Variants in PTCHD4 observed in about 807,000 individuals in gnomAD.
The protein encoded by PTCHD4 is patched domain containing 4.
A neutral mutation model predicts 58.1 loss-of-function variants in PTCHD4; 33 were observed. The ratio of observed to expected loss-of-function variants is 0.57; its 90% CI spans 0.43 to 0.76. PTCHD4 has a LOEUF of 0.76. Among genes scored for constraint, PTCHD4 ranks in the 30% least tolerant of loss-of-function variants. The pLI is 0.00. For missense variants in PTCHD4, 1,058 were observed against 1,027.1 expected, an observed-to-expected ratio of 1.03 and a Z score of -0.41; for synonymous variants, 478 against 409.6, an observed-to-expected ratio of 1.17 and a Z score of -2.02.
chr6:48,009,759 C>T (rs889975062), intron 3 of PTCHD4, among the ~76,000 whole-genome samples: 4 of 152,210 alleles, frequency 2.6e-5, no homozygotes, highest in African/African-American at 9.7e-5. Context: ...TTACAATGCT[C>T]TCTCCAAACA....
rs1007717607 is a variant in PTCHD4, at chr6:47,870,943, T to C, written c.*7360A>G. On this transcript the variant is annotated 3_prime_UTR_variant, in exon 5 of 5. Coordinates refer to ENST00000339488, the MANE Select transcript of PTCHD4 (RefSeq NM_001384253.1). Reference sequence around the variant, plus strand: ...GAGTATTTTAGAAGGAATATTGTTATGGGTAAAGACATCTGGAATTGATGG... The same window carrying C: ...GAGTATTTTAGAAGGAATATTGTTACGGGTAAAGACATCTGGAATTGATGG... Among the ~76,000 whole-genome samples, 1 of 151,576 alleles carries C rather than the reference T, an allele frequency of 6.6e-6. No homozygotes were observed. Among genetic ancestry groups the C allele is most frequent in the African/African-American group, 2.4e-5 (1 of 41,380 alleles).
Position 48,041,745 on chromosome 6 carries a change from C to T in PTCHD4, c.417+26485G>A, listed in dbSNP as rs201792212. Among the ~76,000 whole-genome samples, 264 of 151,932 alleles carry T rather than the reference C, an allele frequency of 1.7e-3. 6 individuals carry two copies. In the South Asian group the frequency reaches 0.038, roughly 22 times the overall value. ...TTTTGTTTTATTTTTTTAATTTGAT[C>T]GCTTAACATCCAGAAAACTGACCTG... On this transcript the variant is annotated intron_variant, in intron 3 of 4. Transcript: ENST00000339488.
Position 47,982,473 on chromosome 6 carries a change from A to ATC in PTCHD4, c.898+26159_898+26160dup, listed in dbSNP as rs1202661045. ...TGAAGGTGTCACACTAGTCTGTTTT[A>ATC]TCTCTCTCTTTTTTTTTTTTTTTTT... On this transcript the variant is annotated intron_variant, in intron 4 of 4. Coordinates refer to ENST00000339488, the MANE Select transcript of PTCHD4 (RefSeq NM_001384253.1). Among the ~76,000 whole-genome samples the ATC allele has an allele frequency of 4.6e-3, 656 of 142,204 alleles. 6 individuals are homozygous for ATC. Among genetic ancestry groups the ATC allele is most frequent in the African/African-American group, 0.016 (611 of 38,348 alleles). 93.3% of individuals were successfully genotyped at this position (142,204 alleles called of 152,430 possible).
At chr6:47,895,149 A>AG (rs1470309730) in intron 4 of PTCHD4, among the ~76,000 whole-genome samples, 3 of 151,634 alleles carry the variant, frequency 2.0e-5, no homozygotes, top group Admixed American at 2.0e-4. Context: ...AAGAAAAAAA[A>AG]AGAAACAATA....
intron 4 of PTCHD4, among the ~76,000 whole-genome samples, chr6:47,928,965 T>C (rs1156330614): frequency 6.6e-6 from 1 of 152,198 alleles, no homozygotes; most frequent in Non-Finnish European, 1.5e-5. Flanking sequence ...ATTTCTAATC[T>C]AAAACAAGAT....
At chr6:48,040,262 G>A (rs1213579120) in intron 3 of PTCHD4, among the ~76,000 whole-genome samples, 1 of 151,984 alleles carries the variant, frequency 6.6e-6, no homozygotes, top group Non-Finnish European at 1.5e-5. Flanking sequence ...CATCTTTGTT[G>A]ATATTTTTCC....
chr6:48,002,826 A>T (rs1039805377), intron 4 of PTCHD4, among the ~76,000 whole-genome samples: 1 of 151,900 alleles, frequency 6.6e-6, no homozygotes, highest in Non-Finnish European at 1.5e-5. Context: ...ATCTGTATTG[A>T]ATCTCTTGAA....
At chr6:48,082,762 A>T (rs1765190300) in intron 1 of PTCHD4, among the ~76,000 whole-genome samples, 1 of 152,170 alleles carries the variant, frequency 6.6e-6, no homozygotes. Context: ...GATTTATAAA[A>T]ATAACTAGAG....
At chr6:48,096,794 T>C (rs901755175) in intron 1 of PTCHD4, among the ~76,000 whole-genome samples, 3 of 152,100 alleles carry the variant, frequency 2.0e-5, no homozygotes, top group African/African-American at 7.2e-5. Context: ...TTCTTTTGCA[T>C]TGAAGTATAT....
intron 3 of PTCHD4, among the ~76,000 whole-genome samples, chr6:48,035,733 C>A (rs1308578789): frequency 2.6e-5 from 4 of 152,126 alleles, no homozygotes; most frequent in Non-Finnish European, 5.9e-5. Context: ...CCTCATTCTG[C>A]ATTATACCCC....
At chr6:47,914,304 G>T (rs370385048) in intron 4 of PTCHD4, among the ~76,000 whole-genome samples, 15 of 152,174 alleles carry the variant, frequency 9.9e-5, no homozygotes, top group African/African-American at 2.6e-4. Context: ...ATGTTATTCT[G>T]GGCATGTCTG....
chr6:47,912,276 T>C (rs1233406790), intron 4 of PTCHD4, among the ~76,000 whole-genome samples: 2 of 140,018 alleles, frequency 1.4e-5, no homozygotes, highest in Non-Finnish European at 3.1e-5. Context: ...CCCACCCCCA[T>C]CCCATCCCCC....
chr6:48,030,206 G>A lies in PTCHD4; in HGVS notation c.418-21092C>T, dbSNP rs556074900. ...TGTAAATAATCAGGCCATGTTTAAT[G>A]AGACAAGACATATTTTGCAACTATA... On this transcript the variant is annotated intron_variant, in intron 3 of 4. Transcript: ENST00000339488. Among the ~76,000 whole-genome samples the A allele has an allele frequency of 2.0e-5, 3 of 152,158 alleles. No individual in the cohort carries two copies. The South Asian group carries it at 6.2e-4, about 32-fold the overall frequency.
intron 4 of PTCHD4, among the ~76,000 whole-genome samples, chr6:47,897,045 T>A (rs1367419700): frequency 1.3e-5 from 2 of 150,846 alleles, no homozygotes; most frequent in Non-Finnish European, 1.5e-5. Flanking sequence ...GAGGAATGAA[T>A]GTGTGCCTCT....
intron 3 of PTCHD4, among the ~76,000 whole-genome samples, chr6:48,048,375 TA>T (rs1363970036): frequency 6.6e-6 from 1 of 151,990 alleles, no homozygotes; most frequent in Non-Finnish European, 1.5e-5. Flanking sequence ...CTGGGGAAAA[TA>T]TTTTTTAGAA....
At chr6:48,104,158 C>A (rs1439917993) in intron 1 of PTCHD4, among the ~76,000 whole-genome samples, 1 of 152,066 alleles carries the variant, frequency 6.6e-6, no homozygotes, top group Non-Finnish European at 1.5e-5. Flanking sequence ...GTCAGATTCA[C>A]CAAAGTTGAA....
At position 48,069,691 on chromosome 6, in the gene PTCHD4, T is replaced by A. The variant is rs1764937086; in HGVS notation, c.-734A>T. ...GCGTGTGCGTGTGCGTGTGTGTGTA[T>A]TGAAAGTGAAGATCTACAGGCAATA... On this transcript the variant is annotated 5_prime_UTR_variant, in exon 2 of 5. Transcript: ENST00000339488. Among the ~76,000 whole-genome samples the A allele has an allele frequency of 3.3e-5, 5 of 152,234 alleles. No individual in the cohort carries two copies. The South Asian group carries it at 1.0e-3, about 32-fold the overall frequency.
intron 4 of PTCHD4, among the ~76,000 whole-genome samples, chr6:47,979,488 A>G (rs1288886893): frequency 2.0e-5 from 3 of 152,158 alleles, no homozygotes; most frequent in Non-Finnish European, 2.9e-5. Context: ...AAAAAAGTGT[A>G]GTCAATGTTG....
intron 1 of PTCHD4, among the ~76,000 whole-genome samples, chr6:48,110,032 A>G (rs1370529238): frequency 6.6e-6 from 1 of 152,194 alleles, no homozygotes; most frequent in Admixed American, 6.5e-5. Context: ...TGGTAAAGCC[A>G]GTTTAACACA....
Sources: allele counts gnomAD v4.1 joint callset (sites outside exome capture counted in the v4.1 genomes callset), GRCh38; gene constraint gnomAD v4.1.1; transcripts MANE v1.5; gene names NCBI Gene and HGNC (gene_info 2026-07-23, HGNC 2026-07-21).